TENM4: variants seen among roughly 807,000 people sequenced by gnomAD.
TENM4 encodes teneurin transmembrane protein 4.
In TENM4, 82 loss-of-function variants were observed where a neutral mutation model predicts 243.3. That is an observed-to-expected ratio of 0.34 (90% CI 0.28 to 0.40). The LOEUF is 0.40. TENM4 is among the 10% of genes least tolerant of loss of function. The pLI, the probability that TENM4 is intolerant of heterozygous loss-of-function variation, is 1.00. For synonymous variants in TENM4, 1,412 were observed against 1,456.3 expected, an observed-to-expected ratio of 0.97 and a Z score of 0.69; for missense variants, 3,138 against 3,673.3, an observed-to-expected ratio of 0.85 and a Z score of 3.77.
chr11:78,735,903 C>T (rs1203641913), intron 20 of TENM4, among the ~76,000 whole-genome samples: 2 of 140,042 alleles, frequency 1.4e-5, no homozygotes, highest in African/African-American at 2.6e-5. Flanking sequence ...CCTTTCCTTT[C>T]CCCTTTTCTC....
At chr11:79,368,099 A>G (rs1302094345) in intron 1 of TENM4, among the ~76,000 whole-genome samples, 2 of 152,192 alleles carry the variant, frequency 1.3e-5, no homozygotes, top group Non-Finnish European at 2.9e-5. Flanking sequence ...CACCAACGCC[A>G]GAGTCCCACC....
At chr11:78,836,210 C>T (rs968233935) in intron 12 of TENM4, among the ~76,000 whole-genome samples, 5 of 151,960 alleles carry the variant, frequency 3.3e-5, no homozygotes, top group African/African-American at 1.2e-4. Context: ...ATTAGCTGGG[C>T]GTGGTGGCGC....
At chr11:78,932,901 G>C (rs976048322) in intron 6 of TENM4, among the ~76,000 whole-genome samples, 10 of 152,300 alleles carry the variant, frequency 6.6e-5, no homozygotes, top group African/African-American at 2.2e-4. Context: ...ATCTCCTGCT[G>C]TGCGGCCTGG....
At chr11:78,799,651 C>T (rs1857239529) in intron 15 of TENM4, among the ~76,000 whole-genome samples, 1 of 152,256 alleles carries the variant, frequency 6.6e-6, no homozygotes, top group Non-Finnish European at 1.5e-5. Flanking sequence ...TGGTCCTACT[C>T]CAAATTTCAT....
intron 1 of TENM4, among the ~76,000 whole-genome samples, chr11:79,334,560 G>T (rs2135450310): frequency 6.6e-6 from 1 of 152,220 alleles, no homozygotes; most frequent in Non-Finnish European, 1.5e-5. Flanking sequence ...TGCTGCTAGA[G>T]GCTCCTCACA....
At chr11:78,735,196 C>G (rs923969935) in intron 20 of TENM4, among the ~76,000 whole-genome samples, 1 of 152,170 alleles carries the variant, frequency 6.6e-6, no homozygotes, top group African/African-American at 2.4e-5. Flanking sequence ...AGCTATCACC[C>G]GTTTGCCTGT....
At chr11:79,302,709 A>T (rs1280845014) in intron 1 of TENM4, among the ~76,000 whole-genome samples, 1 of 152,132 alleles carries the variant, frequency 6.6e-6, no homozygotes, top group East Asian at 1.9e-4. Context: ...CTTGTCCTCA[A>T]TTCAGCATTT....
At chr11:79,063,460 C>T (rs7103150) in intron 6 of TENM4, among the ~76,000 whole-genome samples, 137,182 of 152,162 alleles carry the variant, frequency 0.9, 62,249 homozygotes, top group Middle Eastern at 0.97. Flanking sequence ...GGCTGTCGTG[C>T]GGAAGCACCA....
At chr11:79,131,271 G>A (rs749798957) in intron 4 of TENM4, among the ~76,000 whole-genome samples, 16 of 152,284 alleles carry the variant, frequency 1.1e-4, no homozygotes, top group South Asian at 6.2e-4. Flanking sequence ...CTTAAGAGCT[G>A]TGAGACAGAA....
chr11:79,135,596 A>G (rs1373121521), intron 4 of TENM4, among the ~76,000 whole-genome samples: 1 of 151,830 alleles, frequency 6.6e-6, no homozygotes, highest in East Asian at 1.9e-4. Context: ...TTGTAGAACC[A>G]GCCCAAATGC....
At chr11:78,932,225 A>C (rs763654539) in intron 6 of TENM4, among the ~76,000 whole-genome samples, 1 of 152,340 alleles carries the variant, frequency 6.6e-6, no homozygotes, top group African/African-American at 2.4e-5. Context: ...TTTGCAAAAC[A>C]CAATAAACAA....
chr11:79,311,329 A>G (rs1462813433), intron 1 of TENM4, among the ~76,000 whole-genome samples: 1 of 152,184 alleles, frequency 6.6e-6, no homozygotes, highest in Non-Finnish European at 1.5e-5. Context: ...GACTTCTGCG[A>G]TGACAGTGAC....
Position 78,904,359 on chromosome 11 carries a change from CA to C in TENM4, c.494-837del, listed in dbSNP as rs61503457. The stretch of plus-strand genomic sequence containing the variant: ...TGAGCTACAGAGCAAGACTCTGTCT[CA>C]AAAAAAAAAAAAAAAGTAAAACATA... On this transcript the variant is annotated intron_variant, in intron 6 of 33. Coordinates refer to ENST00000278550, the MANE Select transcript of TENM4 (RefSeq NM_001098816.3). Among the ~76,000 whole-genome samples the C allele has an allele frequency of 1.8e-3, 141 of 77,222 alleles. 1 individual carries two copies. The highest frequency in any genetic ancestry group is 2.1e-3 in the South Asian group (5 of 2,430). 50.7% of individuals were successfully genotyped at this position (77,222 alleles called of 152,430 possible). A position where few individuals can be genotyped will look rare whatever the true frequency, so the allele number is the denominator to read the frequency against.
intron 12 of TENM4, among the ~76,000 whole-genome samples, chr11:78,816,450 G>A (rs921819553): frequency 4.6e-5 from 7 of 152,172 alleles, no homozygotes; most frequent in East Asian, 1.9e-4. Context: ...TTTTTGTGGC[G>A]ACTCTAGCTA....
intron 6 of TENM4, among the ~76,000 whole-genome samples, chr11:78,948,203 T>A (rs1565139155): frequency 1.3e-5 from 2 of 152,238 alleles, no homozygotes; most frequent in South Asian, 4.1e-4. Context: ...TAAAAAGTTT[T>A]TCTGAATCAT....
intron 14 of TENM4, among the ~76,000 whole-genome samples, chr11:78,810,185 A>G (rs1857468594): frequency 6.6e-6 from 1 of 152,204 alleles, no homozygotes. Context: ...CCCATTATAA[A>G]CACAAGGACA....
intron 6 of TENM4, among the ~76,000 whole-genome samples, chr11:78,909,564 T>C (rs944980284): frequency 6.6e-6 from 1 of 152,228 alleles, no homozygotes; most frequent in Non-Finnish European, 1.5e-5. Flanking sequence ...GCCTGCCACA[T>C]ACTGAGCACT....
At chr11:79,196,372 G>A (rs1192828211) in intron 3 of TENM4, among the ~76,000 whole-genome samples, 2 of 151,666 alleles carry the variant, frequency 1.3e-5, no homozygotes, top group Non-Finnish European at 2.9e-5. Flanking sequence ...GGCTCATCTC[G>A]TAGGCTTGTT....
At chr11:79,355,376 C>T (rs1431397623) in intron 1 of TENM4, among the ~76,000 whole-genome samples, 4 of 152,032 alleles carry the variant, frequency 2.6e-5, no homozygotes, top group Admixed American at 1.3e-4. Context: ...CTACTAAAAA[C>T]ACAAAAATTA....
Sources: gnomAD v4.1 joint callset for allele counts (sites outside exome capture counted in the v4.1 genomes callset) on GRCh38, gnomAD v4.1.1 for gene constraint, MANE v1.5 for transcripts, NCBI Gene and HGNC (gene_info 2026-07-23, HGNC 2026-07-21) for gene names.